Variants in ART3 observed in about 807,000 individuals in gnomAD.
ART3 encodes the protein ecto-ADP-ribosyltransferase 3.
A neutral mutation model predicts 48.5 loss-of-function variants in ART3; 49 were observed. The ratio of observed to expected loss-of-function variants is 1.01; its 90% CI spans 0.80 to 1.28. The LOEUF is 1.28. ART3 is among the 50% of genes most tolerant of loss of function. The probability of loss-of-function intolerance (pLI) is 0.00; values close to 1 mark genes in which losing one functional copy is unlikely to be tolerated. For synonymous variants in ART3, 145 were observed against 157.2 expected (o/e 0.92, Z 0.58); for missense variants, 438 against 454.3 (o/e 0.96, Z 0.33).
chr4:76,061,844 G>T (rs2149481591), intron 1 of ART3, among the ~76,000 whole-genome samples: 1 of 152,276 alleles, frequency 6.6e-6, no homozygotes, highest in East Asian at 1.9e-4. Flanking sequence ...TTAGTTAGGG[G>T]CTCAGTAAAT....
upstream of ART3, chr4:76,074,673 G>C (rs747870846): frequency 1.3e-5 from 2 of 152,154 alleles, no homozygotes; most frequent in Admixed American, 6.5e-5. Flanking sequence ...CTACTGCTGG[G>C]GGTGTTTATA....
upstream of ART3, among the ~76,000 whole-genome samples, chr4:76,073,812 T>G (rs1720576911): frequency 1.3e-5 from 2 of 152,314 alleles, 1 homozygote; most frequent in South Asian, 4.1e-4. Flanking sequence ...ATAAACATGC[T>G]TGTATCTCTT....
intron 1 of ART3, among the ~76,000 whole-genome samples, chr4:76,026,146 T>C (rs1417531807): frequency 2.0e-5 from 3 of 151,832 alleles, no homozygotes; most frequent in African/African-American, 7.3e-5. Flanking sequence ...CTCCATCTGG[T>C]ATGCTTTTCC....
chr4:76,071,588 C>T (rs918846638), upstream of ART3, among the ~76,000 whole-genome samples: 1 of 152,198 alleles, frequency 6.6e-6, no homozygotes, highest in Non-Finnish European at 1.5e-5. Context: ...TGCTCTTAAA[C>T]AAAACTTTCA....
At chr4:76,020,490 A>C (rs761573026) in intron 1 of ART3, among the ~76,000 whole-genome samples, 7 of 152,140 alleles carry the variant, frequency 4.6e-5, no homozygotes, top group Non-Finnish European at 1.0e-4. Context: ...CTTCTTAGTA[A>C]GTAATTGGAT....
intron 2 of ART3, among the ~76,000 whole-genome samples, chr4:76,080,091 G>T (rs151004117): frequency 3.9e-5 from 6 of 152,216 alleles, no homozygotes; most frequent in African/African-American, 1.4e-4. Flanking sequence ...TACAAGTATA[G>T]ACTAATGGAA....
At chr4:76,031,853 T>C (rs1733897387) in intron 1 of ART3, among the ~76,000 whole-genome samples, 1 of 152,146 alleles carries the variant, frequency 6.6e-6, no homozygotes, top group African/African-American at 2.4e-5. Flanking sequence ...TTAATTACAA[T>C]TGCAGTAAGT....
chr4:76,033,169 G>T (rs558173210), intron 1 of ART3, among the ~76,000 whole-genome samples: 29 of 152,240 alleles, frequency 1.9e-4, no homozygotes, highest in African/African-American at 6.0e-4. Context: ...TTAGTTGGAG[G>T]TTGAAGAATC....
Position 76,082,409 on chromosome 4 carries a change from A to G in ART3, c.655A>G (p.Ser219Gly). The G allele has an allele frequency of 6.2e-7, 1 of 1,614,164 alleles. No individual in the cohort carries two copies. Among genetic ancestry groups the G allele is most frequent in the Non-Finnish European group, 8.5e-7 (1 of 1,180,044 alleles). The change falls in exon 3 of 12, where the codon AGT becomes GGT. Residue 219 changes from serine to glycine, a missense_variant. This residue lies in a region of ART3 where 227 missense variants were observed against 229.6 expected (regional missense o/e 0.99). Coordinates refer to ENST00000355810, the MANE Select transcript of ART3 (RefSeq NM_001130016.3). ...VDIENFLDKESERITLIPLNE... is the reference protein window; with the variant it reads ...VDIENFLDKEGERITLIPLNE... ...CATTGAAAATTTTCTTGATAAAGAA[A>G]GTGAAAGAATTACTTTAATACCTCT...
chr4:76,045,999 G>C (rs1306900862), intron 1 of ART3, among the ~76,000 whole-genome samples: 1 of 152,016 alleles, frequency 6.6e-6, no homozygotes, highest in Non-Finnish European at 1.5e-5. Flanking sequence ...TTGTACCCTT[G>C]ATTAGCCAGA....
At chr4:76,022,885 G>C in intron 1 of ART3, 1 of 1,523,802 alleles carries the variant, frequency 6.6e-7, no homozygotes, top group Non-Finnish European at 8.9e-7. Context: ...ATGTAGACTG[G>C]TGGTATTTAG....
At chr4:76,029,383 C>G (rs1315251148) in intron 1 of ART3, among the ~76,000 whole-genome samples, 1 of 152,160 alleles carries the variant, frequency 6.6e-6, no homozygotes, top group East Asian at 1.9e-4. Context: ...ATGAATACAT[C>G]TGTACTTATG....
chr4:76,090,763 C>G (rs1030454340), intron 3 of ART3, among the ~76,000 whole-genome samples: 1 of 152,110 alleles, frequency 6.6e-6, no homozygotes, highest in African/African-American at 2.4e-5. Context: ...AATTGATATG[C>G]AATAAACTGC....
intron 3 of ART3, among the ~76,000 whole-genome samples, chr4:76,094,759 C>G (rs1210466756): frequency 2.0e-5 from 3 of 152,172 alleles, no homozygotes; most frequent in Non-Finnish European, 4.4e-5. Flanking sequence ...CTGATCAGCA[C>G]TCCACTGAAT....
chr4:76,095,440 G>A (rs188025631), intron 3 of ART3, among the ~76,000 whole-genome samples: 13 of 152,204 alleles, frequency 8.5e-5, no homozygotes, highest in South Asian at 4.1e-4. Flanking sequence ...CCCAGGAGGC[G>A]GAGGTTGCAG....
exon 1 of ART3, chr4:76,011,286 G>C (rs1731763932): frequency 6.6e-6 from 1 of 152,584 alleles, no homozygotes; most frequent in Non-Finnish European, 1.5e-5. Flanking sequence ...TGCTGATCCA[G>C]CCGGAGGCGA....
chr4:76,053,572 G>A (rs1322750762), intron 1 of ART3, among the ~76,000 whole-genome samples: 1 of 152,202 alleles, frequency 6.6e-6, no homozygotes, highest in South Asian at 2.1e-4. Context: ...ATAATTAACA[G>A]TCGTCAAAGA....
chr4:76,100,154 T>G (rs1705955941), intron 5 of ART3, 137 bp from the exon 6 acceptor site: 2 of 724,634 alleles, frequency 2.8e-6, no homozygotes, highest in African/African-American at 3.7e-5. Context: ...AACTTAAGTT[T>G]AGTAGGGTAG....
intron 1 of ART3, chr4:76,035,946 C>T: frequency 6.2e-7 from 1 of 1,613,702 alleles, no homozygotes; most frequent in East Asian, 2.2e-5. Flanking sequence ...CTGTAGCACA[C>T]AATATCACAG....
Sources: gnomAD v4.1 joint callset for allele counts (sites outside exome capture counted in the v4.1 genomes callset) on GRCh38, gnomAD v4.1.1 for gene constraint, gnomAD v4.1.1 regional missense constraint, MANE v1.5 for transcripts, NCBI Gene and HGNC (gene_info 2026-07-23, HGNC 2026-07-21) for gene names.